The following STEAP1B variants were observed in gnomAD, a reference collection of about 807,000 sequenced individuals.
STEAP1B encodes STEAP family protein MGC87042.
Under a neutral mutation model 27.9 loss-of-function variants are expected in STEAP1B, and 13 were observed. The ratio of observed to expected loss-of-function variants is 0.47; its 90% confidence interval spans 0.30 to 0.74. The LOEUF (loss-of-function observed/expected upper bound fraction) is 0.74. Among genes scored for constraint, STEAP1B ranks in the 30% least tolerant of loss-of-function variants. The probability of loss-of-function intolerance (pLI) is 0.06; values close to 1 mark genes in which losing one functional copy is unlikely to be tolerated. For synonymous variants in STEAP1B, 86 were observed against 107.1 expected (o/e 0.80, Z 1.22); for missense variants, 250 against 298.7 (o/e 0.84, Z 1.20).
At chr7:22,428,627 T>C (rs140304070) in intron 4 of STEAP1B, among the ~76,000 whole-genome samples, 93 of 152,124 alleles carry the variant, frequency 6.1e-4, no homozygotes, top group Non-Finnish European at 1.1e-3. Flanking sequence ...TAATTCTAAA[T>C]ACAATATTAG....
intron 1 of STEAP1B, among the ~76,000 whole-genome samples, chr7:22,497,584 T>C (rs1313220416): frequency 6.6e-6 from 1 of 152,096 alleles, no homozygotes; most frequent in African/African-American, 2.4e-5. Flanking sequence ...TGACCAACAT[T>C]AAAGAGGAAA....
intron 4 of STEAP1B, among the ~76,000 whole-genome samples, chr7:22,474,750 C>A (rs185072834): frequency 6.6e-6 from 1 of 152,278 alleles, no homozygotes; most frequent in Admixed American, 6.5e-5. Context: ...CTTTGTGTGA[C>A]TGGTAGCATC....
intron 4 of STEAP1B, among the ~76,000 whole-genome samples, chr7:22,465,330 G>T (rs1785758274): frequency 6.6e-6 from 1 of 152,088 alleles, no homozygotes; most frequent in Admixed American, 6.5e-5. Flanking sequence ...CGAAACCACA[G>T]AAAGCAAAAC....
intron 1 of STEAP1B, among the ~76,000 whole-genome samples, chr7:22,497,456 A>G (rs1271728029): frequency 1.3e-5 from 2 of 152,196 alleles, no homozygotes; most frequent in Admixed American, 1.3e-4. Context: ...TTAGACAGTC[A>G]ACACATTCCC....
chr7:22,434,412 A>G (rs759932405), intron 4 of STEAP1B, among the ~76,000 whole-genome samples: 4 of 152,220 alleles, frequency 2.6e-5, no homozygotes, highest in Non-Finnish European at 5.9e-5. Context: ...TTTTCCTTCT[A>G]GGTCTTCACC....
intron 4 of STEAP1B, among the ~76,000 whole-genome samples, chr7:22,436,026 C>G (rs1562567271): frequency 6.6e-6 from 1 of 152,210 alleles, no homozygotes; most frequent in African/African-American, 2.4e-5. Context: ...GAATTCCAGC[C>G]TCACCAATCC....
At chr7:22,478,559 G>C (rs920693148) in intron 4 of STEAP1B, among the ~76,000 whole-genome samples, 1 of 152,148 alleles carries the variant, frequency 6.6e-6, no homozygotes, top group South Asian at 2.1e-4. Context: ...CCTCAACTTG[G>C]CCATTGGGCA....
intron 4 of STEAP1B, among the ~76,000 whole-genome samples, chr7:22,483,415 C>A (rs1188237719): frequency 6.6e-6 from 1 of 152,216 alleles, no homozygotes; most frequent in African/African-American, 2.4e-5. Context: ...TCAAGGGGCA[C>A]TGAGCTGGCC....
In STEAP1B at chr7:22,462,253, T is replaced by C. The variant is rs541236638; in HGVS notation, c.762+30312A>G. On this transcript the variant is annotated intron_variant, in intron 4 of 4. Coordinates refer to ENST00000678116, the MANE Select transcript of STEAP1B (RefSeq NM_001382447.1). Reference sequence around the variant, plus strand: ...AAATTAATTAATTATTATTATACTTTAAGTTTTAGGGTACATGTGCACAAT... The same window carrying C: ...AAATTAATTAATTATTATTATACTTCAAGTTTTAGGGTACATGTGCACAAT... Among the ~76,000 whole-genome samples the C allele has an allele frequency of 1.2e-4, 18 of 151,950 alleles. No individual in the cohort carries two copies. In the East Asian group the frequency reaches 3.3e-3, roughly 28 times the overall value.
At chr7:22,467,746 A>C (rs369964018) in intron 4 of STEAP1B, among the ~76,000 whole-genome samples, 1 of 151,934 alleles carries the variant, frequency 6.6e-6, no homozygotes, top group Admixed American at 6.6e-5. Flanking sequence ...GCCACGTGGA[A>C]CTGTGAGTCT....
chr7:22,450,648 T>A (rs1785473105), intron 4 of STEAP1B, among the ~76,000 whole-genome samples: 1 of 151,920 alleles, frequency 6.6e-6, no homozygotes, highest in African/African-American at 2.4e-5. Context: ...CTTTTGTGGT[T>A]CCATATAAAT....
At chr7:22,450,870 G>A (rs1325498319) in intron 4 of STEAP1B, among the ~76,000 whole-genome samples, 1 of 151,948 alleles carries the variant, frequency 6.6e-6, no homozygotes, top group Non-Finnish European at 1.5e-5. Context: ...TCACTTCTTT[G>A]GTTAATTCCT....
intron 4 of STEAP1B, among the ~76,000 whole-genome samples, chr7:22,470,236 A>T (rs1745286561): frequency 2.0e-5 from 3 of 152,176 alleles, no homozygotes; most frequent in Admixed American, 2.0e-4. Context: ...CCATAAAACA[A>T]ATATATAAAG....
At chr7:22,433,106 G>A (rs1429413723) in intron 4 of STEAP1B, among the ~76,000 whole-genome samples, 1 of 151,522 alleles carries the variant, frequency 6.6e-6, no homozygotes, top group Non-Finnish European at 1.5e-5. Context: ...GAGAATCCCA[G>A]AATCTAACAG....
chr7:22,484,761 A>T (rs1186520293), intron 4 of STEAP1B, among the ~76,000 whole-genome samples: 1 of 152,248 alleles, frequency 6.6e-6, no homozygotes, highest in Non-Finnish European at 1.5e-5. Flanking sequence ...ACCATTTTAG[A>T]TGCCATTAAA....
intron 4 of STEAP1B, among the ~76,000 whole-genome samples, chr7:22,484,335 T>G (rs1275865449): frequency 6.6e-6 from 1 of 152,224 alleles, no homozygotes. Context: ...TTTATCATTC[T>G]GAAAATCCTG....
At position 22,461,639 on chromosome 7, in the gene STEAP1B, C is replaced by T. The variant is rs143465248; in HGVS notation, c.762+30926G>A. Among the ~76,000 whole-genome samples, 294 of 152,276 alleles carry T rather than the reference C, an allele frequency of 1.9e-3. 1 individual carries two copies. The highest frequency in any genetic ancestry group is 3.4e-3 in the Middle Eastern group (1 of 294). On this transcript the variant is annotated intron_variant, in intron 4 of 4. Coordinates refer to ENST00000678116, the MANE Select transcript of STEAP1B (RefSeq NM_001382447.1). ...CCAAAGCAGTTACAGGTCATTTTTC[C>T]GAGATGCTCAGAATTCTGAGTTTCA... is the stretch of plus-strand genomic sequence containing the variant.
intron 3 of STEAP1B, among the ~76,000 whole-genome samples, chr7:22,493,023 A>G (rs751546272): frequency 4.6e-5 from 7 of 152,240 alleles, no homozygotes; most frequent in Admixed American, 2.0e-4. Flanking sequence ...GGAGAAGAAC[A>G]ACAATATTAA....
intron 1 of STEAP1B, among the ~76,000 whole-genome samples, chr7:22,498,188 C>A (rs1786474715): frequency 6.6e-6 from 1 of 152,204 alleles, no homozygotes; most frequent in Non-Finnish European, 1.5e-5. Flanking sequence ...TGACTGATAC[C>A]AGTCTGCGGC....
Sources: gnomAD v4.1 joint callset for allele counts (sites outside exome capture counted in the v4.1 genomes callset) on GRCh38, gnomAD v4.1.1 for gene constraint, MANE v1.5 for transcripts, NCBI Gene and HGNC (gene_info 2026-07-23, HGNC 2026-07-21) for gene names.